The following AOPEP variants were observed in gnomAD, a reference collection of about 807,000 sequenced individuals.
The protein encoded by AOPEP is aminopeptidase O.
In AOPEP, 77 loss-of-function variants were observed where a neutral mutation model predicts 98.1. That is an observed-to-expected ratio of 0.78 (90% CI 0.65 to 0.95). The LOEUF is 0.95. Ranked by LOEUF, AOPEP falls within the 40% of genes least tolerant of loss-of-function variation. The pLI is 0.00. For missense variants in AOPEP, 1,024 were observed against 1,024.7 expected (o/e 1.00, Z 0.01); for synonymous variants, 346 against 365.3 (o/e 0.95, Z 0.60).
chr9:94,762,940 A>C (rs1038702312), intron 2 of AOPEP, among the ~76,000 whole-genome samples: 3 of 152,254 alleles, frequency 2.0e-5, no homozygotes, highest in Non-Finnish European at 4.4e-5. Flanking sequence ...GTGAAAATAT[A>C]AAATTTTACA....
chr9:94,738,807 T>C (rs555948894), intron 1 of AOPEP, among the ~76,000 whole-genome samples: 216 of 151,976 alleles, frequency 1.4e-3, no homozygotes, highest in Non-Finnish European at 2.6e-3. Flanking sequence ...ATCTCCTGAC[T>C]TCGTGATCCG....
chr9:95,045,538 A>G (rs1431234697), intron 13 of AOPEP, among the ~76,000 whole-genome samples: 1 of 152,340 alleles, frequency 6.6e-6, no homozygotes, highest in South Asian at 2.1e-4. Context: ...AGTGCGGTCA[A>G]GGATGCTGGT....
chr9:94,900,251 A>G (rs1484856442), intron 5 of AOPEP, among the ~76,000 whole-genome samples: 2 of 152,224 alleles, frequency 1.3e-5, no homozygotes, highest in Admixed American at 6.5e-5. Flanking sequence ...CCTTCTAGCA[A>G]CCAAATTCTG....
chr9:95,100,814 AG>A, the AOPEP span: 2 of 226,632 alleles, frequency 8.8e-6, no homozygotes, highest in Non-Finnish European at 1.8e-5. Context: ...TATTTTTAGT[AG>A]AGATAGGGTA....
chr9:95,107,301 A>T, the AOPEP span: 1 of 1,600,152 alleles, frequency 6.2e-7, no homozygotes, highest in Non-Finnish European at 8.5e-7. Context: ...GGGAGAGGTT[A>T]GGAAGAGGCA....
chr9:95,013,762 T>C (rs1157029258), intron 13 of AOPEP, among the ~76,000 whole-genome samples: 1 of 152,180 alleles, frequency 6.6e-6, no homozygotes, highest in Non-Finnish European at 1.5e-5. Flanking sequence ...AAATAAGAAA[T>C]CCTTGGTTCA....
intron 5 of AOPEP, among the ~76,000 whole-genome samples, chr9:94,884,785 G>C (rs1374336768): frequency 6.6e-6 from 1 of 151,860 alleles, no homozygotes; most frequent in African/African-American, 2.4e-5. Context: ...GCCGAGGCGG[G>C]CGGATCACGA....
intron 1 of AOPEP, among the ~76,000 whole-genome samples, chr9:94,759,221 G>A (rs540674936): frequency 1.2e-4 from 19 of 152,274 alleles, no homozygotes; most frequent in Middle Eastern, 6.8e-3. Flanking sequence ...TAAAATGTGT[G>A]GGGCCATTTA....
At chr9:94,890,686 T>A (rs954653141) in intron 5 of AOPEP, among the ~76,000 whole-genome samples, 3 of 152,204 alleles carry the variant, frequency 2.0e-5, no homozygotes, top group African/African-American at 7.2e-5. Flanking sequence ...TTCATTCAGT[T>A]CTGTGTATTT....
chr9:95,082,047 A>T (rs2069854935), intron 15 of AOPEP, among the ~76,000 whole-genome samples: 1 of 151,976 alleles, frequency 6.6e-6, no homozygotes. Context: ...TGTGGAGGAA[A>T]GGGCGCAGGC....
downstream of AOPEP, among the ~76,000 whole-genome samples, chr9:95,092,021 G>A (rs2070873930): frequency 6.6e-6 from 1 of 152,046 alleles, no homozygotes; most frequent in South Asian, 2.1e-4. Context: ...TGTGGCCTGA[G>A]AGAGTTGCTG....
chr9:95,115,946 C>T, the AOPEP span, among the ~76,000 whole-genome samples: 9 of 152,324 alleles, frequency 5.9e-5, no homozygotes, highest in African/African-American at 2.2e-4. Context: ...AAGATCATGC[C>T]ACTAAAAAAC....
intron 13 of AOPEP, among the ~76,000 whole-genome samples, chr9:95,024,756 G>A (rs2063712567): frequency 2.6e-5 from 4 of 152,130 alleles, no homozygotes; most frequent in African/African-American, 7.2e-5. Flanking sequence ...TAAATATAGC[G>A]TTTCCGATTT....
At chr9:94,988,228 G>A (rs1010721716) in intron 11 of AOPEP, among the ~76,000 whole-genome samples, 3 of 152,164 alleles carry the variant, frequency 2.0e-5, no homozygotes. Context: ...GGAATGAGTA[G>A]GAAGCCACAA....
intron 4 of AOPEP, 65 bp from the exon 5 acceptor site, chr9:94,800,692 G>C (rs1438126777): frequency 2.5e-6 from 4 of 1,578,274 alleles, no homozygotes; most frequent in Non-Finnish European, 1.7e-6. Context: ...ACATCTGCAA[G>C]ATTGCCTCAC....
At chr9:94,730,632 C>G (rs1452293660) in intron 1 of AOPEP, among the ~76,000 whole-genome samples, 5 of 152,070 alleles carry the variant, frequency 3.3e-5, no homozygotes, top group Non-Finnish European at 7.4e-5. Flanking sequence ...TATCTTCGGA[C>G]AGAATGAGAA....
chr9:94,777,938 A>G (rs1198171125), intron 3 of AOPEP, among the ~76,000 whole-genome samples: 1 of 152,090 alleles, frequency 6.6e-6, no homozygotes, highest in Non-Finnish European at 1.5e-5. Context: ...AAGTATTCTT[A>G]TAACCTAATA....
intron 13 of AOPEP, among the ~76,000 whole-genome samples, chr9:95,027,176 C>T (rs1042958415): frequency 4.6e-5 from 7 of 152,102 alleles, no homozygotes; most frequent in Non-Finnish European, 8.8e-5. Flanking sequence ...GTGGGAGGAT[C>T]GCTTGAGCCC....
chr9:94,812,823 C>A (rs950789732), intron 5 of AOPEP, among the ~76,000 whole-genome samples: 12 of 152,104 alleles, frequency 7.9e-5, no homozygotes, highest in Non-Finnish European at 1.5e-4. Context: ...GTTTTACAAG[C>A]AAAAGCATCA....
Sources: allele counts gnomAD v4.1 joint callset (sites outside exome capture counted in the v4.1 genomes callset), GRCh38; gene constraint gnomAD v4.1.1; transcripts MANE v1.5; gene names NCBI Gene and HGNC (gene_info 2026-07-23, HGNC 2026-07-21).